SUSD1: variants seen among roughly 807,000 people sequenced by gnomAD.
SUSD1 encodes sushi domain containing 1, also known as sushi domain-containing protein 1.
A neutral mutation model predicts 86.9 loss-of-function variants in SUSD1; 65 were observed. That is an observed-to-expected ratio of 0.75 (90% CI 0.61 to 0.92). The LOEUF (loss-of-function observed/expected upper bound fraction) is 0.92. Among genes scored for constraint, SUSD1 ranks in the 40% least tolerant of loss-of-function variants. SUSD1 has a pLI of 0.00. For synonymous variants in SUSD1, 346 were observed against 350.0 expected (o/e 0.99, Z 0.13); for missense variants, 850 against 929.7 (o/e 0.91, Z 1.11).
chr9:112,071,999 C>T lies in SUSD1; in HGVS notation c.1753+6539G>A, dbSNP rs149904428. Among the ~76,000 whole-genome samples, 23 of 152,268 alleles carry T rather than the reference C, an allele frequency of 1.5e-4. No homozygotes were observed. In the East Asian group the frequency reaches 4.0e-3, roughly 27 times the overall value. On this transcript the variant is annotated intron_variant, in intron 12 of 16. Coordinates refer to ENST00000374270, the MANE Select transcript of SUSD1 (RefSeq NM_022486.5). ...ACTTCACCTCCCAAGGAGAAGAAAC[C>T]AATTTCTTTTCACATGTACATCCTC...
intron 15 of SUSD1, among the ~76,000 whole-genome samples, chr9:112,043,064 A>G (rs1299807898): frequency 6.6e-6 from 1 of 152,160 alleles, no homozygotes. Context: ...CTTTGGGAGG[A>G]ACTCAGTTTA....
At position 112,110,328 on chromosome 9, in the gene SUSD1, G is replaced by A. The variant is rs755125434; in HGVS notation, c.1171+1326C>T. On this transcript the variant is annotated intron_variant, in intron 8 of 16. Coordinates refer to ENST00000374270, the MANE Select transcript of SUSD1 (RefSeq NM_022486.5). ...CGCACCACTGCACTCCAGCCTGGGC[G>A]ACAGGGCAAGACTCCATCTCAAAAA... Among the ~76,000 whole-genome samples the A allele has an allele frequency of 5.3e-5, 8 of 152,004 alleles. No homozygotes were observed. The East Asian group carries it at 9.7e-4, about 18-fold the overall frequency.
intron 10 of SUSD1, among the ~76,000 whole-genome samples, chr9:112,085,820 A>C (rs1829951342): frequency 6.6e-6 from 1 of 152,196 alleles, no homozygotes; most frequent in Non-Finnish European, 1.5e-5. Flanking sequence ...CTCACTACGC[A>C]TCCTCCAAAA....
intron 5 of SUSD1, among the ~76,000 whole-genome samples, chr9:112,130,861 A>T (rs1246745007): frequency 6.6e-6 from 1 of 151,570 alleles, no homozygotes; most frequent in African/African-American, 2.4e-5. Context: ...AAAAAAAAAA[A>T]AAATACAATA....
Position 112,173,519 on chromosome 9 carries a change from T to C in SUSD1, c.103+1614A>G, listed in dbSNP as rs1589766048. The C allele has an allele frequency of 2.3e-5, 6 of 262,202 alleles. No individual in the cohort carries two copies. The Admixed American group carries it at 2.5e-4, about 11-fold the overall frequency. The allele number at this position is 262,202 out of a possible 1,614,324, so 16.2% of individuals were successfully genotyped here. ...CTGTCCTCACGTTGGCAGACACAGA[T>C]CTCTACTCTGAAGGCTTTGTAGGGG... On this transcript the variant is annotated intron_variant, in intron 1 of 16. Transcript: ENST00000374270.
chr9:112,069,994 T>A (rs1829188835), intron 12 of SUSD1, among the ~76,000 whole-genome samples: 1 of 152,154 alleles, frequency 6.6e-6, no homozygotes, highest in African/African-American at 2.4e-5. Context: ...TTTTATTTGT[T>A]TTTGTTTTTG....
At chr9:112,115,142 G>A (rs1305509725) in intron 6 of SUSD1, among the ~76,000 whole-genome samples, 2 of 152,190 alleles carry the variant, frequency 1.3e-5, no homozygotes, top group Non-Finnish European at 2.9e-5. Context: ...TCTCTTCGCA[G>A]TCTCCAAGTG....
At chr9:112,074,932 C>T (rs1829452751) in intron 12 of SUSD1, among the ~76,000 whole-genome samples, 1 of 151,806 alleles carries the variant, frequency 6.6e-6, no homozygotes, top group South Asian at 2.1e-4. Context: ...CAACAATGTC[C>T]CCTGGTGGCC....
At position 112,113,632 on chromosome 9, in the gene SUSD1, C is replaced by A. The variant is rs1831192124; in HGVS notation, c.887-764G>T. Reference sequence around the variant, plus strand: ...CGAAAGGGGATCTAGCTTTTTATTTCTTTGAAATCAAATTCCCAGCCGAGT... The same window carrying A: ...CGAAAGGGGATCTAGCTTTTTATTTATTTGAAATCAAATTCCCAGCCGAGT... On this transcript the variant is annotated intron_variant, in intron 6 of 16. Coordinates refer to ENST00000374270, the MANE Select transcript of SUSD1 (RefSeq NM_022486.5). This position sits in a 1 kb window ranked among gnomAD's most constrained non-coding sequence, Gnocchi z 4.1. Among the ~76,000 whole-genome samples the A allele has an allele frequency of 6.6e-6, 1 of 152,124 alleles. No individual in the cohort carries two copies. The highest frequency in any genetic ancestry group is 1.5e-5 in the Non-Finnish European group (1 of 68,002).
chr9:112,055,363 G>A (rs1159056597), intron 14 of SUSD1, among the ~76,000 whole-genome samples: 1 of 152,148 alleles, frequency 6.6e-6, no homozygotes, highest in Non-Finnish European at 1.5e-5. Flanking sequence ...GGAGGTCAAG[G>A]CTGCAGTGAC....
chr9:112,125,106 T>C (rs2131690367), intron 5 of SUSD1, among the ~76,000 whole-genome samples: 1 of 152,250 alleles, frequency 6.6e-6, no homozygotes, highest in Non-Finnish European at 1.5e-5. Flanking sequence ...TATTTCAGAA[T>C]TTTAAAAAAT....
chr9:112,164,500 C>A (rs192886772), intron 1 of SUSD1, among the ~76,000 whole-genome samples: 46 of 150,362 alleles, frequency 3.1e-4, no homozygotes, highest in African/African-American at 1.1e-3. Flanking sequence ...AAGCTATGAT[C>A]ATGCCACTGC....
chr9:112,147,440 G>A (rs1832851981), intron 3 of SUSD1, among the ~76,000 whole-genome samples: 2 of 152,080 alleles, frequency 1.3e-5, no homozygotes, highest in South Asian at 2.1e-4. Flanking sequence ...TCGCTTGAAC[G>A]CAGGAGGCAG....
intron 12 of SUSD1, among the ~76,000 whole-genome samples, chr9:112,063,703 C>A (rs1434798774): frequency 6.7e-6 from 1 of 149,486 alleles, no homozygotes; most frequent in East Asian, 2.0e-4. Flanking sequence ...TTCTTGCTCA[C>A]TGGTAGTTAC....
At chr9:112,067,476 T>A (rs919267316) in intron 12 of SUSD1, among the ~76,000 whole-genome samples, 1 of 152,238 alleles carries the variant, frequency 6.6e-6, no homozygotes, top group African/African-American at 2.4e-5. Context: ...ATAGAATGCA[T>A]CCAGCGCCTT....
intron 1 of SUSD1, among the ~76,000 whole-genome samples, chr9:112,170,742 C>A (rs1257725835): frequency 4.0e-5 from 5 of 125,060 alleles, no homozygotes; most frequent in Non-Finnish European, 8.5e-5. Context: ...GAGAGCCTTG[C>A]TCTGTCACCT....
intron 6 of SUSD1, among the ~76,000 whole-genome samples, chr9:112,114,002 A>T (rs1196569638): frequency 1.3e-5 from 2 of 152,126 alleles, no homozygotes; most frequent in Non-Finnish European, 2.9e-5. Context: ...CAAATGATAC[A>T]ATCTTATATA....
At chr9:112,095,765 A>G (rs940697287) in intron 10 of SUSD1, among the ~76,000 whole-genome samples, 2 of 152,220 alleles carry the variant, frequency 1.3e-5, no homozygotes, top group Admixed American at 1.3e-4. Flanking sequence ...AAATGGAGAC[A>G]GGGAAGGAAG....
chr9:112,054,520 G>A (rs768000877), intron 14 of SUSD1, among the ~76,000 whole-genome samples: 4 of 151,878 alleles, frequency 2.6e-5, no homozygotes, highest in Non-Finnish European at 4.4e-5. Flanking sequence ...CCAGGAGGTC[G>A]AGGCTGCAGT....
Sources: allele counts gnomAD v4.1 joint callset (sites outside exome capture counted in the v4.1 genomes callset), GRCh38; gene constraint gnomAD v4.1.1; non-coding constraint Gnocchi (gnomAD v3.1); transcripts MANE v1.5; gene names NCBI Gene and HGNC (gene_info 2026-07-23, HGNC 2026-07-21).